MLF1: variants seen among roughly 807,000 people sequenced by gnomAD.
The protein encoded by MLF1 is myeloid leukemia factor 1.
Under a neutral mutation model 38.3 loss-of-function variants are expected in MLF1, and 37 were observed. The ratio of observed to expected loss-of-function variants is 0.96; its 90% CI spans 0.74 to 1.27. MLF1 has a LOEUF of 1.27. Ranked by LOEUF, MLF1 falls within the 50% of genes most tolerant of loss-of-function variation. The pLI, the probability that MLF1 is intolerant of heterozygous loss-of-function variation, is 0.00. For synonymous variants in MLF1, 95 were observed against 106.5 expected, an observed-to-expected ratio of 0.89 and a Z score of 0.66; for missense variants, 331 against 349.2, an observed-to-expected ratio of 0.95 and a Z score of 0.42.
At chr3:158,595,786 G>C (rs1387742012) in intron 3 of MLF1, among the ~76,000 whole-genome samples, 1 of 152,096 alleles carries the variant, frequency 6.6e-6, no homozygotes, top group African/African-American at 2.4e-5. Context: ...AGAACACAGA[G>C]ACACAAATAG....
intron 6 of MLF1, among the ~76,000 whole-genome samples, chr3:158,601,806 CTT>C (rs1188640734): frequency 1.0e-5 from 1 of 96,048 alleles, no homozygotes. Context: ...TAAAATTATT[CTT>C]TTTTTTTTTT....
chr3:158,586,628 G>A (rs1052723783), intron 1 of MLF1, among the ~76,000 whole-genome samples: 1 of 152,130 alleles, frequency 6.6e-6, no homozygotes, highest in Admixed American at 6.6e-5. Context: ...CTCTTCCCCT[G>A]TTCTTTTAAT....
intron 1 of MLF1, among the ~76,000 whole-genome samples, chr3:158,586,449 G>A (rs1055516388): frequency 6.6e-6 from 1 of 152,114 alleles, no homozygotes; most frequent in Non-Finnish European, 1.5e-5. Context: ...CATGGTTTAA[G>A]TTTGAGTGTG....
At chr3:158,593,216 C>T (rs1471401716) in intron 2 of MLF1, among the ~76,000 whole-genome samples, 166 bp from the exon 3 acceptor site, 1 of 151,880 alleles carries the variant, frequency 6.6e-6, no homozygotes, top group Non-Finnish European at 1.5e-5. Flanking sequence ...TTTTCAGCCT[C>T]ATGAATGATA....
chr3:158,600,255 T>C, intron 6 of MLF1, 82 bp downstream of exon 6: 5 of 755,916 alleles, frequency 6.6e-6, no homozygotes, highest in Non-Finnish European at 5.6e-6. Context: ...TTTAGAAACA[T>C]GTCATAAGAT....
chr3:158,573,831 G>A (rs1452638487), intron 1 of MLF1, among the ~76,000 whole-genome samples: 1 of 152,122 alleles, frequency 6.6e-6, no homozygotes, highest in African/African-American at 2.4e-5. Context: ...TTGAGACAGG[G>A]TCTCACTGTG....
rs181724787 is a variant in MLF1 at position 158,592,691 on chromosome 3, C to G, written c.195+110C>G. The G allele has an allele frequency of 6.2e-4, 560 of 896,888 alleles. 4 individuals carry two copies. The African/African-American group carries it at 8.5e-3, about 14-fold the overall frequency. 55.6% of individuals were successfully genotyped at this position (896,888 alleles called of 1,614,324 possible). The stretch of plus-strand genomic sequence containing the variant: ...ATAGGATATGACTAATATTCTTGTT[C>G]TAGAAATCACTATTATATAAAAGGG... On this transcript the variant is annotated intron_variant, in intron 2 of 7. Coordinates refer to ENST00000466246, the MANE Select transcript of MLF1 (RefSeq NM_001369783.1).
At chr3:158,598,514 G>A (rs1719249513) in intron 5 of MLF1, among the ~76,000 whole-genome samples, 1 of 147,850 alleles carries the variant, frequency 6.8e-6, no homozygotes, top group Non-Finnish European at 1.5e-5. Context: ...ACGAAAAGAA[G>A]CCTTTGTTTC....
rs911311084 is a variant in MLF1 at position 158,597,954 on chromosome 3, A to T, written c.325-126A>T. 5 of 1,053,488 alleles carry T rather than the reference A, an allele frequency of 4.7e-6. No individual in the cohort carries two copies. The African/African-American group carries it at 8.1e-5, about 17-fold the overall frequency. 65.3% of individuals were successfully genotyped at this position (1,053,488 alleles called of 1,614,324 possible). ...ACTTGAGAACCTGGGTGTGCCTTTG[A>T]CTACACCATATTGGTAGTTTAGTAT... On this transcript the variant is annotated intron_variant, in intron 4 of 7. Transcript: ENST00000466246.
At chr3:158,571,514 G>C (rs548166900) in intron 1 of MLF1, 167 bp downstream of exon 1, 4 of 767,264 alleles carry the variant, frequency 5.2e-6, no homozygotes, top group Admixed American at 2.2e-5. Flanking sequence ...GAAGAGAGAG[G>C]AGGATTTAGG....
intron 7 of MLF1, among the ~76,000 whole-genome samples, chr3:158,603,666 C>T (rs1221342998): frequency 1.3e-5 from 2 of 152,000 alleles, no homozygotes; most frequent in South Asian, 4.2e-4. Flanking sequence ...GGTGAAACCC[C>T]GTCTCTACTA....
At chr3:158,602,479 A>G (rs974849263) in intron 6 of MLF1, among the ~76,000 whole-genome samples, 3 of 152,192 alleles carry the variant, frequency 2.0e-5, no homozygotes, top group Non-Finnish European at 4.4e-5. Context: ...ATACAGGAAG[A>G]GTATATTCAC....
chr3:158,595,358 A>G (rs1428105869), intron 3 of MLF1, among the ~76,000 whole-genome samples: 1 of 152,186 alleles, frequency 6.6e-6, no homozygotes, highest in Non-Finnish European at 1.5e-5. Context: ...TCTCAACTAC[A>G]TTTTGTACCC....
intron 3 of MLF1, among the ~76,000 whole-genome samples, chr3:158,594,149 C>CA (rs890475062): frequency 8.1e-4 from 123 of 151,182 alleles, no homozygotes; most frequent in African/African-American, 2.7e-3. Context: ...AGACAAATAA[C>CA]AAAAAAAAGC....
intron 6 of MLF1, among the ~76,000 whole-genome samples, chr3:158,601,114 T>G (rs948417045): frequency 2.6e-5 from 4 of 151,900 alleles, no homozygotes; most frequent in Non-Finnish European, 4.4e-5. Flanking sequence ...CATAATAGAG[T>G]GTTTAAATTT....
At chr3:158,590,199 T>C (rs1026978722) in intron 1 of MLF1, among the ~76,000 whole-genome samples, 13 of 152,152 alleles carry the variant, frequency 8.5e-5, no homozygotes, top group African/African-American at 3.1e-4. Flanking sequence ...TTTTTAAAAA[T>C]GGGGGAAGTA....
At chr3:158,598,625 A>G (rs941599670) in intron 5 of MLF1, among the ~76,000 whole-genome samples, 17 of 152,186 alleles carry the variant, frequency 1.1e-4, no homozygotes, top group Non-Finnish European at 2.4e-4. Context: ...GAATAACATA[A>G]TAAGTGCCCA....
chr3:158,578,045 A>G (rs1465478322), intron 1 of MLF1, among the ~76,000 whole-genome samples: 1 of 152,206 alleles, frequency 6.6e-6, no homozygotes, highest in Non-Finnish European at 1.5e-5. Flanking sequence ...TTAAATTTTT[A>G]GATGTCTTGG....
intron 1 of MLF1, chr3:158,591,217 T>G (rs375562839): frequency 3.2e-5 from 14 of 440,296 alleles, no homozygotes; most frequent in Non-Finnish European, 4.0e-5. Context: ...TGGAGTGCAA[T>G]GGTGCAATCT....
Sources: allele counts gnomAD v4.1 joint callset (sites outside exome capture counted in the v4.1 genomes callset), GRCh38; gene constraint gnomAD v4.1.1; transcripts MANE v1.5; gene names NCBI Gene and HGNC (gene_info 2026-07-23, HGNC 2026-07-21).